The following TTN variants were observed in gnomAD, a reference collection of about 807,000 sequenced individuals.
TTN encodes the protein titin.
A neutral mutation model predicts 3,223.0 loss-of-function variants in TTN; 1,525 were observed. The observed-to-expected ratio is 0.47, with a 90% CI of 0.45 to 0.49. The LOEUF (loss-of-function observed/expected upper bound fraction) is 0.49, where lower values mean the gene tolerates loss of function less well. TTN is among the 20% of genes least tolerant of loss of function. TTN has a pLI of 0.00. For synonymous variants in TTN, 14,094 were observed against 15,161.0 expected (o/e 0.93, Z 5.17); for missense variants, 40,786 against 43,424.0 (o/e 0.94, Z 5.40).
At chr2:178,676,052 C>T in intron 147 of TTN, 57 bp from the exon 148 acceptor site, 2 of 1,499,980 alleles carry the variant, frequency 1.3e-6, no homozygotes, top group Non-Finnish European at 1.8e-6. Context: ...AAAAGAGAAA[C>T]CAAGAAGACC....
Position 178,723,140 on chromosome 2 carries a change from A to G in TTN, c.21867T>C (p.Ile7289=). Residue 7289 remains isoleucine, a synonymous_variant, in exon 75 of 363, where the codon ATT becomes ATC. Coordinates refer to ENST00000589042, the MANE Select transcript of TTN (RefSeq NM_001267550.2). The stretch of plus-strand genomic sequence containing the variant: ...CTGCATCTCTTTTTGTGCTATTCAG[A>G]ATTTCCAGGATACAAGTTTTCTCTG... ...VTTEKTCILE[I]LNSTKRDAGQ... is the part of the protein sequence containing the mutation. 2 of 1,613,540 alleles carry G rather than the reference A, an allele frequency of 1.2e-6. No individual in the cohort carries two copies. The highest frequency in any genetic ancestry group is 1.7e-6 in the Non-Finnish European group (2 of 1,179,630).
chr2:178,550,794 G>A (rs1006626970), intron 336 of TTN, 173 bp downstream of exon 336: 1 of 626,348 alleles, frequency 1.6e-6, no homozygotes, highest in Non-Finnish European at 2.7e-6. Context: ...AAAAATAATT[G>A]ATGCCAATTA....
chr2:178,782,118 T>C lies in TTN; in HGVS notation c.3380+94A>G, dbSNP rs972725618. On this transcript the variant is annotated intron_variant, in intron 20 of 362. Coordinates refer to ENST00000589042, the MANE Select transcript of TTN (RefSeq NM_001267550.2). Reference sequence around the variant, plus strand: ...GAAGGCTCCACAATGAAAGAGCCTATGCTCAGGGTCGGTGGGGTGAGTAAA... The same window carrying C: ...GAAGGCTCCACAATGAAAGAGCCTACGCTCAGGGTCGGTGGGGTGAGTAAA... 5 of 1,432,708 alleles carry C rather than the reference T, an allele frequency of 3.5e-6. No homozygotes were observed. In the African/African-American group the frequency reaches 4.2e-5, roughly 12 times the overall value. The allele number at this position is 1,432,708 out of a possible 1,614,324, so 88.7% of individuals were successfully genotyped here.
chr2:178,630,980 C>T (rs754465989), intron 237 of TTN, 37 bp from the exon 238 acceptor site: 1 of 1,611,630 alleles, frequency 6.2e-7, no homozygotes, highest in South Asian at 1.1e-5. Flanking sequence ...TCATTAGCCT[C>T]TGGCACAAAT....
Position 178,530,446 on chromosome 2 carries a change from G to A in TTN, c.106169C>T (p.Ser35390Leu), listed in dbSNP as rs772069548. The A allele has an allele frequency of 6.2e-7, 1 of 1,613,934 alleles. No individual in the cohort carries two copies. The highest frequency in any genetic ancestry group is 2.2e-5 in the East Asian group (1 of 44,880). ...TTTCTGATCTGATTTCTTAGTTTCT[G>A]ATATTTTTGATACCTTCTCATGGAT... Reference protein sequence around the residue: ...KSIHEKVSKISETKKSDQKTT... With the variant: ...KSIHEKVSKILETKKSDQKTT... The change falls in exon 358 of 363, where the codon TCA becomes TTA. Residue 35390 changes from serine (S) to leucine (L), a missense_variant. Ser to Leu is a moderately radical substitution (Grantham distance 145). Transcript: ENST00000589042.
At chr2:178,754,942 T>C (rs1290907863) in intron 46 of TTN, among the ~76,000 whole-genome samples, 1 of 152,140 alleles carries the variant, frequency 6.6e-6, no homozygotes, top group Non-Finnish European at 1.5e-5. Flanking sequence ...GGCCACTGTT[T>C]CAAAATTCTG....
In TTN at chr2:178,540,517, G is replaced by C. The variant is rs1693890362; in HGVS notation, c.97796-147C>G. 4 of 737,092 alleles carry C rather than the reference G, an allele frequency of 5.4e-6. No homozygotes were observed. In the South Asian group the frequency reaches 5.9e-5, roughly 11 times the overall value. 45.7% of individuals were successfully genotyped at this position (737,092 alleles called of 1,614,324 possible). On this transcript the variant is annotated intron_variant, in intron 350 of 362. Coordinates refer to ENST00000589042, the MANE Select transcript of TTN (RefSeq NM_001267550.2). ...TTGTGAAAATTTTATTCATGGCTGGGTGTGGTGGCTCATGCCTGTAATCAC... is the reference window on the plus strand; with the variant it reads ...TTGTGAAAATTTTATTCATGGCTGGCTGTGGTGGCTCATGCCTGTAATCAC...
chr2:178,568,542 C>T lies in TTN; in HGVS notation c.77590G>A (p.Asp25864Asn). Residue 25864 changes from aspartate (D) to asparagine (N), a missense_variant, in exon 326 of 363, where the codon GAT (aspartate) becomes AAT (asparagine). Physicochemically the swap from Asp to Asn is conservative, Grantham distance 23. Coordinates refer to ENST00000589042, the MANE Select transcript of TTN (RefSeq NM_001267550.2). ...ACTGTGATTCCATATTGTCCACCAT[C>T]ATCCTTATGAGTTTCTTTAATACTG... ...TLSIKETHKD[D>N]GGQYGITVAN... 6.2e-7 allele frequency: 1 copy of T among 1,613,488 alleles called. No homozygotes were observed. Among genetic ancestry groups the T allele is most frequent in the Non-Finnish European group, 8.5e-7 (1 of 1,179,566 alleles).
intron 47 of TTN, chr2:178,748,121 C>T: frequency 6.2e-7 from 1 of 1,613,222 alleles, no homozygotes; most frequent in Non-Finnish European, 8.5e-7. Context: ...GATGGAACTT[C>T]TGCCTCCATT....
In TTN at chr2:178,675,903, A is replaced by C; in HGVS notation, c.34453+18T>G. The C allele has an allele frequency of 1.9e-6, 3 of 1,601,766 alleles. No homozygotes were observed. The highest frequency in any genetic ancestry group is 2.6e-6 in the Non-Finnish European group (3 of 1,173,186). ...GGAAGGAAATGGCATAGTCTAATTT[A>C]CTTCGGAATAGCAATACCTTTGGCA... On this transcript the variant is annotated intron_variant, in intron 148 of 362. Transcript: ENST00000589042.
At chr2:178,622,349 A>G (rs1366571768) in intron 243 of TTN, among the ~76,000 whole-genome samples, 1 of 151,948 alleles carries the variant, frequency 6.6e-6, no homozygotes, top group African/African-American at 2.4e-5. Flanking sequence ...GGTAGTTAAT[A>G]GCAACAGGAG....
In TTN at chr2:178,741,294, G is replaced by A. The variant is rs372298992; in HGVS notation, c.11939C>T (p.Thr3980Ile). Residue 3980 changes from threonine (T) to isoleucine (I), a missense_variant, in exon 48 of 363, where the codon ACC (threonine) becomes ATC (isoleucine). Thr to Ile is a moderately conservative substitution (Grantham distance 89). Coordinates refer to ENST00000589042, the MANE Select transcript of TTN (RefSeq NM_001267550.2). ...ATGAATGATAGTGTAATAAACACTG[G>A]TGCAAAGCTGCTTGTTTTCTTTGAA... ...TWFKENKQLC[T>I]SVYYTIIHNP... The A allele has an allele frequency of 6.2e-7, 1 of 1,613,894 alleles. No individual in the cohort carries two copies. The highest frequency in any genetic ancestry group is 8.5e-7 in the Non-Finnish European group (1 of 1,179,840).
Position 178,682,126 on chromosome 2 carries a change from T to G in TTN, c.33095-388A>C, listed in dbSNP as rs1406957206. Among the ~76,000 whole-genome samples, 4 of 152,012 alleles carry G rather than the reference T, an allele frequency of 2.6e-5. No individual in the cohort carries two copies. The East Asian group carries it at 7.7e-4, about 29-fold the overall frequency. On this transcript the variant is annotated intron_variant, in intron 135 of 362. Coordinates refer to ENST00000589042, the MANE Select transcript of TTN (RefSeq NM_001267550.2). ...ATTTCAAAATTTCAATAGAGATTTATTCTTTGAGTAAAATAAACAATTTGA... is the reference window on the plus strand; with the variant it reads ...ATTTCAAAATTTCAATAGAGATTTAGTCTTTGAGTAAAATAAACAATTTGA...
In TTN at chr2:178,704,218, C is replaced by G. The variant is rs772291213; in HGVS notation, c.30152G>C (p.Arg10051Pro). 2 of 1,613,934 alleles carry G rather than the reference C, an allele frequency of 1.2e-6. No homozygotes were observed. Among genetic ancestry groups the G allele is most frequent in the South Asian group, 1.1e-5 (1 of 91,076 alleles). ...GGTGTACTGACCCTGGTCTTCTGCTCGAACATCTGCAATGGTCAATTTATG... is the reference window on the plus strand; with the variant it reads ...GGTGTACTGACCCTGGTCTTCTGCTGGAACATCTGCAATGGTCAATTTATG... Reference protein sequence around the residue: ...KVHKLTIADVRAEDQGQYTCK... With the variant: ...KVHKLTIADVPAEDQGQYTCK... Residue 10051 changes from arginine to proline, a missense_variant, in exon 106 of 363, where the codon CGA (arginine) becomes CCA (proline). Arg to Pro is a moderately radical substitution (Grantham distance 103). Transcript: ENST00000589042.
In TTN at chr2:178,732,175, AG is replaced by A. The variant is rs1351937493; in HGVS notation, c.16793del (p.Thr5598MetfsTer4). ...CAACATCTGTCAGTCTTAGAACTGCAGTAGACTCCACAAAAGACATTCTGTG... is the reference window on the plus strand; with the variant it reads ...CAACATCTGTCAGTCTTAGAACTGCATAGACTCCACAAAAGACATTCTGTG... ...SKHRMSFVESTAVLRLTDVGI... is the reference protein window; with the variant it reads ...SKHRMSFVESXAVLRLTDVGI... On this transcript the variant is annotated frameshift_variant, in exon 57 of 363. Transcript: ENST00000589042. LOFTEE classifies it high-confidence loss of function. 1 of 1,613,872 alleles carries A rather than the reference AG, an allele frequency of 6.2e-7. No individual in the cohort carries two copies. The highest frequency in any genetic ancestry group is 8.5e-7 in the Non-Finnish European group (1 of 1,179,778).
rs1395290901 is a variant in TTN at position 178,727,577 on chromosome 2, T to C, written c.19993+8A>G. ...AGACAGAAACATAAAGGAATCAAAT[T>C]TGCACACCTGTCACAAGCAACATCG... is the stretch of plus-strand genomic sequence containing the variant. On this transcript the variant is annotated splice_region_variant and intron_variant, in intron 68 of 362. Transcript: ENST00000589042. 4 of 1,550,812 alleles carry C rather than the reference T, an allele frequency of 2.6e-6. No homozygotes were observed. In the East Asian group the frequency reaches 6.8e-5, roughly 26 times the overall value.
chr2:178,664,793 A>G, intron 166 of TTN, 56 bp from the exon 167 acceptor site: 1 of 1,610,508 alleles, frequency 6.2e-7, no homozygotes, highest in Non-Finnish European at 8.5e-7. Context: ...AGGAATAGCA[A>G]AAATATTCTC....
chr2:178,711,014 G>A lies in TTN; in HGVS notation c.28174+48C>T, dbSNP rs568086760. The stretch of plus-strand genomic sequence containing the variant: ...GAAATTTCTCCCTAAGTTCATATTT[G>A]ATTATAATACTTTAATTCTAGAAAT... On this transcript the variant is annotated intron_variant, in intron 97 of 362. Coordinates refer to ENST00000589042, the MANE Select transcript of TTN (RefSeq NM_001267550.2). 26 of 1,548,008 alleles carry A rather than the reference G, an allele frequency of 1.7e-5. No individual in the cohort carries two copies. The African/African-American group carries it at 3.3e-4, about 20-fold the overall frequency.
At position 178,561,162 on chromosome 2, in the gene TTN, C is replaced by T; in HGVS notation, c.84970G>A (p.Glu28324Lys). 1 of 1,613,708 alleles carries T rather than the reference C, an allele frequency of 6.2e-7. No homozygotes were observed. The highest frequency in any genetic ancestry group is 8.5e-7 in the Non-Finnish European group (1 of 1,179,792). ...VTELTEDQRYEFRVFARNAAD... is the reference protein window; with the variant it reads ...VTELTEDQRYKFRVFARNAAD... ...GCATTCCTTGCAAAAACCCGGAATT[C>T]ATAACGCTGATCTTCAGTAAGTTCA... Residue 28324 changes from glutamate (E) to lysine (K), a missense_variant, in exon 326 of 363, where the codon GAA (glutamate) becomes AAA (lysine). Glu to Lys is a moderately conservative substitution (Grantham distance 56). Coordinates refer to ENST00000589042, the MANE Select transcript of TTN (RefSeq NM_001267550.2).
Sources: gnomAD v4.1 joint callset for allele counts (sites outside exome capture counted in the v4.1 genomes callset) on GRCh38, gnomAD v4.1.1 for gene constraint, MANE v1.5 for transcripts, NCBI Gene and HGNC (gene_info 2026-07-23, HGNC 2026-07-21) for gene names.